Variants in GREM1 observed in about 807,000 individuals in gnomAD.
GREM1 encodes the protein gremlin 1, DAN family BMP antagonist.
Under a neutral mutation model 13.1 loss-of-function variants are expected in GREM1, and 6 were observed. The observed-to-expected ratio is 0.46, with a 90% CI of 0.25 to 0.91. GREM1 has a LOEUF of 0.91. GREM1 is among the 40% of genes least tolerant of loss of function. The pLI, the probability that GREM1 is intolerant of heterozygous loss-of-function variation, is 0.18. For missense variants in GREM1, 185 were observed against 233.9 expected, an observed-to-expected ratio of 0.79 and a Z score of 1.36; for synonymous variants, 98 against 93.7, an observed-to-expected ratio of 1.05 and a Z score of -0.27.
rs2055723109 is a variant in GREM1, at chr15:32,738,104, A to ACAAAAAC, written c.*6859_*6860insCAAAAAC. The ACAAAAAC allele has an allele frequency of 9.7e-6, 1 of 103,530 alleles. No homozygotes were observed. Among genetic ancestry groups the ACAAAAAC allele is most frequent in the Non-Finnish European group, 1.9e-5 (1 of 51,330 alleles). 6.4% of individuals were successfully genotyped at this position (103,530 alleles called of 1,614,324 possible). A position where few individuals can be genotyped will look rare whatever the true frequency, so the allele number is the denominator to read the frequency against. Reference sequence around the variant, plus strand: ...TAGGCAAAAAAAAAAAAAAAAAAAAAAAAAAAAAAAAAAAAAAAAAAAAAA... The same window carrying ACAAAAAC: ...TAGGCAAAAAAAAAAAAAAAAAAAAACAAAAACAAAAAAAAAAAAAAAAAAAAAAAAA... On this transcript the variant is annotated 3_prime_UTR_variant, in exon 2 of 2. Coordinates refer to ENST00000651154, the MANE Select transcript of GREM1 (RefSeq NM_013372.7).
intron 1 of GREM1, among the ~76,000 whole-genome samples, chr15:32,727,540 T>C (rs865952112): frequency 6.6e-6 from 1 of 152,192 alleles, no homozygotes; most frequent in African/African-American, 2.4e-5. Context: ...GCCAGTATCA[T>C]ACTGAATGGG....
At chr15:32,721,117 T>C (rs539040615) in intron 1 of GREM1, among the ~76,000 whole-genome samples, 1 of 152,054 alleles carries the variant, frequency 6.6e-6, no homozygotes, top group Non-Finnish European at 1.5e-5. Context: ...GATAGCGCCA[T>C]TGCATTCCAG....
At chr15:32,727,271 C>A in intron 1 of GREM1, among the ~76,000 whole-genome samples, 1 of 152,152 alleles carries the variant, frequency 6.6e-6, no homozygotes, top group East Asian at 1.9e-4. Context: ...AAAATACTGG[C>A]AGCACATCAA....
At chr15:32,723,129 T>C (rs972138767) in intron 1 of GREM1, among the ~76,000 whole-genome samples, 1 of 152,360 alleles carries the variant, frequency 6.6e-6, no homozygotes, top group Admixed American at 6.5e-5. Context: ...ATTTTTACTA[T>C]GGGACACCCT....
At chr15:32,721,981 T>C (rs1354514044) in intron 1 of GREM1, among the ~76,000 whole-genome samples, 1 of 152,230 alleles carries the variant, frequency 6.6e-6, no homozygotes, top group East Asian at 1.9e-4. Flanking sequence ...GTCTCCTCCC[T>C]GTCCTATGCA....
Position 32,744,206 on chromosome 15 carries a change from C to T in GREM1, c.*12961C>T, listed in dbSNP as rs1251246778. 2.0e-5 allele frequency: 3 copies of T among 151,794 alleles called. No homozygotes were observed. The highest frequency in any genetic ancestry group is 4.4e-5 in the Non-Finnish European group (3 of 67,982). The allele number at this position is 151,794 out of a possible 1,614,324, so 9.4% of individuals were successfully genotyped here. On this transcript the variant is annotated 3_prime_UTR_variant, in exon 2 of 2. Transcript: ENST00000651154. Reference sequence around the variant, plus strand: ...ATGAATCAATAAATTCCATTTTTGGCTTAGCTTCTATTGGGTTTCTATCAC... The same window carrying T: ...ATGAATCAATAAATTCCATTTTTGGTTTAGCTTCTATTGGGTTTCTATCAC...
chr15:32,731,280 T>G lies in GREM1; in HGVS notation c.*35T>G. 1 of 1,549,620 alleles carries G rather than the reference T, an allele frequency of 6.5e-7. No individual in the cohort carries two copies. Among genetic ancestry groups the G allele is most frequent in the Non-Finnish European group, 8.8e-7 (1 of 1,130,588 alleles). On this transcript the variant is annotated 3_prime_UTR_variant, in exon 2 of 2. Transcript: ENST00000651154. Reference sequence around the variant, plus strand: ...AGGTGCACCCAGCATGTCCTAGGAATGCAGCCCCAGGAAGTCCCAGACCTA... The same window carrying G: ...AGGTGCACCCAGCATGTCCTAGGAAGGCAGCCCCAGGAAGTCCCAGACCTA...
At position 32,732,558 on chromosome 15, in the gene GREM1, T is replaced by C. The variant is rs1320851419; in HGVS notation, c.*1313T>C. ...TAGAGAGTAGTTAGGTGTTAATACC[T>C]GGTAGAGATGTAAGGGATATGACCT... On this transcript the variant is annotated 3_prime_UTR_variant, in exon 2 of 2. Transcript: ENST00000651154. 2.0e-5 allele frequency: 5 copies of C among 246,152 alleles called. No homozygotes were observed. In the East Asian group the frequency reaches 3.1e-4, roughly 15 times the overall value. 15.2% of individuals were successfully genotyped at this position (246,152 alleles called of 1,614,324 possible). A position where few individuals can be genotyped will look rare whatever the true frequency, so the allele number is the denominator to read the frequency against.
At position 32,732,584 on chromosome 15, in the gene GREM1, C is replaced by T. The variant is rs180926708; in HGVS notation, c.*1339C>T. ...GGTAGAGATGTAAGGGATATGACCTCCCTTTCTTTATGTGCTCACTGAGGA... is the reference window on the plus strand; with the variant it reads ...GGTAGAGATGTAAGGGATATGACCTTCCTTTCTTTATGTGCTCACTGAGGA... On this transcript the variant is annotated 3_prime_UTR_variant, in exon 2 of 2. Coordinates refer to ENST00000651154, the MANE Select transcript of GREM1 (RefSeq NM_013372.7). 101 of 245,898 alleles carry T rather than the reference C, an allele frequency of 4.1e-4. No individual in the cohort carries two copies. The highest frequency in any genetic ancestry group is 2.1e-3 in the African/African-American group (94 of 45,310). 15.2% of individuals were successfully genotyped at this position (245,898 alleles called of 1,614,324 possible). A position where few individuals can be genotyped will look rare whatever the true frequency, so the allele number is the denominator to read the frequency against.
intron 1 of GREM1, among the ~76,000 whole-genome samples, chr15:32,729,064 C>A (rs1315073195): frequency 6.6e-6 from 1 of 151,656 alleles, no homozygotes; most frequent in Non-Finnish European, 1.5e-5. Context: ...CGCTCAGTCA[C>A]CCAGGCTGGA....
chr15:32,725,387 C>G (rs1188421562), intron 1 of GREM1, among the ~76,000 whole-genome samples: 1 of 152,068 alleles, frequency 6.6e-6, no homozygotes, highest in African/African-American at 2.4e-5. Context: ...TAATGACCAC[C>G]GATGATGAGC....
At chr15:32,729,561 CTGTCTA>C (rs1048434495) in intron 1 of GREM1, among the ~76,000 whole-genome samples, 14 of 152,158 alleles carry the variant, frequency 9.2e-5, no homozygotes, top group Non-Finnish European at 1.9e-4. Flanking sequence ...TTTTCTCTCT[CTGTCTA>C]TGGTTTCCTA....
rs2055794681 is a variant in GREM1, at chr15:32,745,052, C to G, written c.*13807C>G. 1 of 152,008 alleles carries G rather than the reference C, an allele frequency of 6.6e-6. No individual in the cohort carries two copies. The highest frequency in any genetic ancestry group is 6.6e-5 in the Admixed American group (1 of 15,264). 9.4% of individuals were successfully genotyped at this position (152,008 alleles called of 1,614,324 possible). On this transcript the variant is annotated 3_prime_UTR_variant, in exon 2 of 2. Transcript: ENST00000651154. Reference sequence around the variant, plus strand: ...AGGCAAGATAGATATTTAAATGACCCCTATTTTAGTGGTAAACAAGCTGAA... The same window carrying G: ...AGGCAAGATAGATATTTAAATGACCGCTATTTTAGTGGTAAACAAGCTGAA...
Position 32,730,867 on chromosome 15 carries a change from G to A in GREM1, c.177G>A (p.Gly59=). ...AGCAGCCTGGCTCCAGGAACCGGGGGCGGGGCCAAGGGCGGGGCACTGCCA... is the reference window on the plus strand; with the variant it reads ...AGCAGCCTGGCTCCAGGAACCGGGGACGGGGCCAAGGGCGGGGCACTGCCA... ...SPQQPGSRNR[G]RGQGRGTAMP... is the part of the protein sequence containing the mutation. The change falls in exon 2 of 2, where the codon GGG becomes GGA. Residue 59 remains glycine (G), a synonymous_variant. Coordinates refer to ENST00000651154, the MANE Select transcript of GREM1 (RefSeq NM_013372.7). 2 of 1,613,508 alleles carry A rather than the reference G, an allele frequency of 1.2e-6. No individual in the cohort carries two copies. Among genetic ancestry groups the A allele is most frequent in the East Asian group, 2.2e-5 (1 of 44,868 alleles).
chr15:32,730,931 C>T lies in GREM1; in HGVS notation c.241C>T (p.Leu81=), dbSNP rs770695786. 2.5e-6 allele frequency: 4 copies of T among 1,613,952 alleles called. No homozygotes were observed. The highest frequency in any genetic ancestry group is 1.7e-5 in the Admixed American group (1 of 60,008). The change falls in exon 2 of 2, where the codon CTG becomes TTG. Residue 81 remains leucine (L), a synonymous_variant. Coordinates refer to ENST00000651154, the MANE Select transcript of GREM1 (RefSeq NM_013372.7). ...GGTGCTGGAGTCCAGCCAAGAGGCC[C>T]TGCATGTGACGGAGCGCAAATACCT... ...EEVLESSQEA[L]HVTERKYLKR...
At chr15:32,729,092 C>T (rs562914339) in intron 1 of GREM1, among the ~76,000 whole-genome samples, 4 of 151,694 alleles carry the variant, frequency 2.6e-5, no homozygotes, top group Non-Finnish European at 5.9e-5. Flanking sequence ...GGCGCGATCT[C>T]GGCTCACTGC....
chr15:32,730,884 G>T lies in GREM1; in HGVS notation c.194G>T (p.Gly65Val). 1 of 1,613,410 alleles carries T rather than the reference G, an allele frequency of 6.2e-7. No individual in the cohort carries two copies. Among genetic ancestry groups the T allele is most frequent in the Non-Finnish European group, 8.5e-7 (1 of 1,179,732 alleles). Residue 65 changes from glycine to valine, a missense_variant, in exon 2 of 2, where the codon GGC (glycine) becomes GTC (valine). Coordinates refer to ENST00000651154, the MANE Select transcript of GREM1 (RefSeq NM_013372.7). ...AACCGGGGGCGGGGCCAAGGGCGGG[G>T]CACTGCCATGCCCGGGGAGGAGGTG... is the stretch of plus-strand genomic sequence containing the variant. ...SRNRGRGQGR[G>V]TAMPGEEVLE...
chr15:32,728,082 T>C (rs994608403), intron 1 of GREM1, among the ~76,000 whole-genome samples: 3 of 152,204 alleles, frequency 2.0e-5, no homozygotes, highest in Admixed American at 2.0e-4. Flanking sequence ...ATAGATTCAA[T>C]GCCATCCCCA....
chr15:32,723,002 T>G (rs1337660917), intron 1 of GREM1, among the ~76,000 whole-genome samples: 1 of 152,144 alleles, frequency 6.6e-6, no homozygotes, highest in African/African-American at 2.4e-5. Flanking sequence ...TTAATTTAAT[T>G]TAGTGATATG....
Sources: gnomAD v4.1 joint callset for allele counts (sites outside exome capture counted in the v4.1 genomes callset) on GRCh38, gnomAD v4.1.1 for gene constraint, MANE v1.5 for transcripts, NCBI Gene and HGNC (gene_info 2026-07-23, HGNC 2026-07-21) for gene names.